HSPH1: variants seen among roughly 807,000 people sequenced by gnomAD.
The protein encoded by HSPH1 is heat shock protein family H (Hsp110) member 1.
A neutral mutation model predicts 100.0 loss-of-function variants in HSPH1; 40 were observed. The ratio of observed to expected loss-of-function variants is 0.40; its 90% CI spans 0.31 to 0.52. The LOEUF is 0.52. HSPH1 is among the 20% of genes least tolerant of loss of function. The pLI is 0.54. For synonymous variants in HSPH1, 403 were observed against 344.0 expected (o/e 1.17, Z -1.90); for missense variants, 876 against 1,015.1 (o/e 0.86, Z 1.86).
intron 14 of HSPH1, 85 bp from the exon 15 acceptor site, chr13:31,139,192 A>T (rs1955997574): frequency 1.2e-6 from 1 of 846,208 alleles, no homozygotes; most frequent in Non-Finnish European, 2.0e-6. Flanking sequence ...CACACTAGGT[A>T]GCTAATCTTA....
intron 2 of HSPH1, among the ~76,000 whole-genome samples, chr13:31,157,393 A>G (rs982188120): frequency 7.9e-5 from 12 of 152,190 alleles, no homozygotes; most frequent in African/African-American, 2.7e-4. Flanking sequence ...CTCTCTTCCA[A>G]TGTAACAAGG....
chr13:31,140,185 T>C lies in HSPH1; in HGVS notation c.1979A>G (p.Gln660Arg), dbSNP rs1245679682. The change falls in exon 14 of 18, where the codon CAG (glutamine) becomes CGG (arginine). Residue 660 changes from glutamine (Q) to arginine (R), a missense_variant and splice_region_variant. By Grantham distance (43) the Gln-to-Arg change is conservative. Transcript: ENST00000320027. ...CGPYEKFICE[Q>R]DHQNFLRLLT... ...CAAAAACAGAGCTCTAAGACATACC[T>C]GCTCACATATAAATTTTTCATATGG... is the stretch of plus-strand genomic sequence containing the variant. The C allele has an allele frequency of 1.2e-6, 2 of 1,610,512 alleles. No individual in the cohort carries two copies. Among genetic ancestry groups the C allele is most frequent in the East Asian group, 4.5e-5 (2 of 44,774 alleles).
rs199649524 is a variant in HSPH1 at position 31,161,428 on chromosome 13, T to G, written c.107+48A>C. On this transcript the variant is annotated intron_variant, in intron 1 of 17. Coordinates refer to ENST00000320027, the MANE Select transcript of HSPH1 (RefSeq NM_006644.4). ...AGCCCGCGATCTTGGGTCCCCACAC[T>G]AAGGGCCCAGAACCTCCTCCCATCC... 1.1e-3 allele frequency: 1,777 copies of G among 1,604,724 alleles called. 27 individuals are homozygous for G. In the Admixed American group the frequency reaches 0.028, roughly 26 times the overall value.
rs972720190 is a variant in HSPH1 at position 31,136,067 on chromosome 13, T to A, written c.*1251A>T. ...CTAGTGAGGAGCTGGTTGTCACCTATCCTAAGTGCATGTGTCTTCTCCCCT... is the reference window on the plus strand; with the variant it reads ...CTAGTGAGGAGCTGGTTGTCACCTAACCTAAGTGCATGTGTCTTCTCCCCT... On this transcript the variant is annotated 3_prime_UTR_variant, in exon 18 of 18. Transcript: ENST00000320027. 1 of 151,830 alleles carries A rather than the reference T, an allele frequency of 6.6e-6. No homozygotes were observed. Among genetic ancestry groups the A allele is most frequent in the African/African-American group, 2.4e-5 (1 of 41,302 alleles). The allele number at this position is 151,830 out of a possible 1,614,324, so 9.4% of individuals were successfully genotyped here.
rs1248789620 is a variant in HSPH1 at position 31,136,662 on chromosome 13, G to A, written c.*656C>T. 1.3e-5 allele frequency: 2 copies of A among 152,466 alleles called. No individual in the cohort carries two copies. The allele number at this position is 152,466 out of a possible 1,614,324, so 9.4% of individuals were successfully genotyped here. Reference sequence around the variant, plus strand: ...ACCATAAGATGAACTTTATTTTAAAGCTCATAAAAGTGTTCACAATCAGTT... The same window carrying A: ...ACCATAAGATGAACTTTATTTTAAAACTCATAAAAGTGTTCACAATCAGTT... On this transcript the variant is annotated 3_prime_UTR_variant, in exon 18 of 18. Coordinates refer to ENST00000320027, the MANE Select transcript of HSPH1 (RefSeq NM_006644.4).
chr13:31,140,614 A>G (rs1956054705), intron 13 of HSPH1: 1 of 227,158 alleles, frequency 4.4e-6, no homozygotes, highest in African/African-American at 2.3e-5. Context: ...TTGTATACAA[A>G]TGGTTATCCA....
chr13:31,138,962 A>G (rs780245406), intron 15 of HSPH1, 38 bp downstream of exon 15: 1 of 1,587,530 alleles, frequency 6.3e-7, no homozygotes, highest in South Asian at 1.1e-5. Flanking sequence ...TATAGTTTAA[A>G]ACACAAGTAC....
At chr13:31,154,271 T>C (rs547297152) in intron 4 of HSPH1, 17 of 304,618 alleles carry the variant, frequency 5.6e-5, no homozygotes, top group Middle Eastern at 1.1e-3. Flanking sequence ...AAACTCCTAA[T>C]ACACTGGTTT....
In HSPH1 at chr13:31,161,724, GACAC is replaced by G. The variant is rs1471648932; in HGVS notation, c.-146_-143del. The stretch of plus-strand genomic sequence containing the variant: ...TGGCCGTTCCTCTGACACTCAGAAG[GACAC>G]ACAGACAGCCGCGGCCTGTCAGGAG... On this transcript the variant is annotated 5_prime_UTR_variant, in exon 1 of 18. Transcript: ENST00000320027. 20 of 1,534,098 alleles carry G rather than the reference GACAC, an allele frequency of 1.3e-5. No homozygotes were observed. The highest frequency in any genetic ancestry group is 1.7e-5 in the Non-Finnish European group (20 of 1,146,032).
At chr13:31,154,559 C>T (rs1157614998) in intron 4 of HSPH1, 74 bp downstream of exon 4, 1 of 1,544,514 alleles carries the variant, frequency 6.5e-7, no homozygotes, top group Middle Eastern at 1.7e-4. Flanking sequence ...AGCTTTCCCA[C>T]ATTTCATACT....
chr13:31,159,635 G>A (rs1956825308), intron 1 of HSPH1, among the ~76,000 whole-genome samples: 3 of 152,080 alleles, frequency 2.0e-5, no homozygotes, highest in African/African-American at 7.2e-5. Context: ...TGGATTAGAG[G>A]AGTTATCTAA....
In HSPH1 at chr13:31,138,465, T is replaced by A. The variant is rs1445921062; in HGVS notation, c.2312A>T (p.Lys771Ile). ...AACTGGATCCTGATCAAGACTCTTT[T>A]TAGCCTGAGCATTCATGACATTATT... ...WMNNVMNAQAKKSLDQDPVVR... is the reference protein window; with the variant it reads ...WMNNVMNAQAIKSLDQDPVVR... The change falls in exon 17 of 18, where the codon AAA becomes ATA. Residue 771 changes from lysine (K) to isoleucine (I), a missense_variant. By Grantham distance (102) the Lys-to-Ile change is moderately radical. Transcript: ENST00000320027. 6.2e-7 allele frequency: 1 copy of A among 1,613,392 alleles called. No individual in the cohort carries two copies.
rs779023928 is a variant in HSPH1 at position 31,147,908 on chromosome 13, G to A, written c.1378+51C>T. On this transcript the variant is annotated intron_variant, in intron 10 of 17. Coordinates refer to ENST00000320027, the MANE Select transcript of HSPH1 (RefSeq NM_006644.4). ...CTTTTAAAGTTTGTACAATGAGTGA[G>A]AAGCTAAGTCTTTAACTAAAAGAGT... is the stretch of plus-strand genomic sequence containing the variant. 60 of 1,471,584 alleles carry A rather than the reference G, an allele frequency of 4.1e-5. 1 individual carries two copies. Among genetic ancestry groups the A allele is most frequent in the South Asian group, 2.9e-4 (22 of 76,018 alleles). The allele number at this position is 1,471,584 out of a possible 1,614,324, so 91.2% of individuals were successfully genotyped here.
chr13:31,154,873 G>A, intron 3 of HSPH1, 118 bp from the exon 4 acceptor site: 2 of 852,956 alleles, frequency 2.3e-6, no homozygotes, highest in South Asian at 2.0e-5. Flanking sequence ...TATTGTTGTA[G>A]TTGTTTTGGG....
At chr13:31,143,564 A>G (rs1956171386) in intron 12 of HSPH1, among the ~76,000 whole-genome samples, 1 of 152,154 alleles carries the variant, frequency 6.6e-6, no homozygotes, top group Admixed American at 6.6e-5. Flanking sequence ...AGTGGCAGTT[A>G]ATCAAGAGAA....
chr13:31,148,025 C>G lies in HSPH1; in HGVS notation c.1312G>C (p.Gly438Arg). 6.2e-7 allele frequency: 1 copy of G among 1,610,920 alleles called. No individual in the cohort carries two copies. The highest frequency in any genetic ancestry group is 2.2e-5 in the East Asian group (1 of 44,802). ...TAGAAAGCTTCTAGCTCAAAAGGCC[C>G]CCTTCTCAGAAAGGTGAGAACTTTG... Reference protein sequence around the residue: ...FSKVLTFLRRGPFELEAFYSD... With the variant: ...FSKVLTFLRRRPFELEAFYSD... Residue 438 changes from glycine to arginine, a missense_variant, in exon 10 of 18, where the codon GGG (glycine) becomes CGG (arginine). Transcript: ENST00000320027.
In HSPH1 at chr13:31,161,859, C is replaced by A. The variant is rs1956932413; in HGVS notation, c.-277G>T. On this transcript the variant is annotated 5_prime_UTR_variant, in exon 1 of 18. Coordinates refer to ENST00000320027, the MANE Select transcript of HSPH1 (RefSeq NM_006644.4). ...TCCGCACCTCGGGTTGCCTGCCTCA[C>A]TCTGCCGCGGCTCGCACACCGGCGC... The A allele has an allele frequency of 2.0e-6, 3 of 1,483,796 alleles. No homozygotes were observed. Among genetic ancestry groups the A allele is most frequent in the Admixed American group, 2.2e-5 (1 of 45,514 alleles). 91.9% of individuals were successfully genotyped at this position (1,483,796 alleles called of 1,614,324 possible). A position where few individuals can be genotyped will look rare whatever the true frequency, so the allele number is the denominator to read the frequency against.
At position 31,151,151 on chromosome 13, in the gene HSPH1, T is replaced by G. The variant is rs543410953; in HGVS notation, c.704A>C (p.Asn235Thr). Residue 235 changes from asparagine to threonine, a missense_variant, in exon 7 of 18, where the codon AAC becomes ACC. Asn to Thr is a moderately conservative substitution (Grantham distance 65, BLOSUM62 0). Transcript: ENST00000320027. ...ATGTTCCACTAACTTTTCATCGAAG[T>G]TTTTTCCTCCTAAGAAAGGATCAAA... ...TAFDPFLGGK[N>T]FDEKLVEHFC... The G allele has an allele frequency of 1.2e-5, 20 of 1,613,100 alleles. No individual in the cohort carries two copies. The highest frequency in any genetic ancestry group is 1.4e-5 in the Non-Finnish European group (17 of 1,179,470).
intron 10 of HSPH1, among the ~76,000 whole-genome samples, chr13:31,147,201 TTA>T (rs1956294372): frequency 6.6e-6 from 1 of 152,186 alleles, no homozygotes; most frequent in African/African-American, 2.4e-5. Context: ...TATCAAAATC[TTA>T]CAAGTCTACA....
Sources: allele counts gnomAD v4.1 joint callset (sites outside exome capture counted in the v4.1 genomes callset), GRCh38; gene constraint gnomAD v4.1.1; transcripts MANE v1.5; gene names NCBI Gene and HGNC (gene_info 2026-07-23, HGNC 2026-07-21).